MYO1D: variants seen among roughly 807,000 people sequenced by gnomAD.
MYO1D encodes unconventional myosin-Id.
A neutral mutation model predicts 122.0 loss-of-function variants in MYO1D; 83 were observed. The observed-to-expected ratio is 0.68, with a 90% CI of 0.57 to 0.82. The LOEUF (loss-of-function observed/expected upper bound fraction) is 0.82. Among genes scored for constraint, MYO1D ranks in the 40% least tolerant of loss-of-function variants. The pLI is 0.00. For synonymous variants in MYO1D, 464 were observed against 446.9 expected, an observed-to-expected ratio of 1.04 and a Z score of -0.48; for missense variants, 1,157 against 1,269.5, an observed-to-expected ratio of 0.91 and a Z score of 1.35.
At chr17:32,502,927 A>AT (rs1186757068) in intron 21 of MYO1D, among the ~76,000 whole-genome samples, 1 of 151,920 alleles carries the variant, frequency 6.6e-6, no homozygotes, top group African/African-American at 2.4e-5. Context: ...GGGGAGGGAT[A>AT]TTTTTTTTCC....
chr17:32,864,799 T>G (rs1278156296), intron 1 of MYO1D, among the ~76,000 whole-genome samples: 1 of 152,342 alleles, frequency 6.6e-6, no homozygotes, highest in Non-Finnish European at 1.5e-5. Context: ...TATTTGTTTA[T>G]TCCGTGATAG....
intron 21 of MYO1D, among the ~76,000 whole-genome samples, chr17:32,559,911 G>T (rs939796619): frequency 6.6e-6 from 1 of 152,156 alleles, no homozygotes; most frequent in Non-Finnish European, 1.5e-5. Context: ...CAATGCTATG[G>T]TATTGTAATG....
intron 20 of MYO1D, among the ~76,000 whole-genome samples, chr17:32,617,275 G>A (rs376885846): frequency 1.0e-3 from 156 of 152,230 alleles, no homozygotes; most frequent in Non-Finnish European, 1.8e-3. Flanking sequence ...AAGGCTCTCC[G>A]GTCAGCAGTT....
rs1322995870 is a variant in MYO1D at position 32,760,646 on chromosome 17, C to T, written c.1036-19G>A. The stretch of plus-strand genomic sequence containing the variant: ...ATATTGCCTGCAAGGAAAATAGCAT[C>T]ATAAATGCTTGCCAATTTGGGAATG... On this transcript the variant is annotated intron_variant, in intron 8 of 21. Transcript: ENST00000318217. 2.5e-6 allele frequency: 4 copies of T among 1,586,816 alleles called. No homozygotes were observed. Among genetic ancestry groups the T allele is most frequent in the Non-Finnish European group, 3.4e-6 (4 of 1,167,634 alleles).
intron 21 of MYO1D, among the ~76,000 whole-genome samples, chr17:32,596,823 CAG>C (rs896616909): frequency 1.3e-5 from 2 of 152,340 alleles, no homozygotes; most frequent in African/African-American, 4.8e-5. Flanking sequence ...CTTAATACTG[CAG>C]AGTTTCTGGT....
intron 1 of MYO1D, among the ~76,000 whole-genome samples, chr17:32,781,687 GAAAT>G: frequency 8.2e-6 from 1 of 121,266 alleles, no homozygotes; most frequent in East Asian, 2.4e-4. Context: ...TGGAAGGAGA[GAAAT>G]AAAGAGGAAG....
chr17:32,867,763 C>A, intron 1 of MYO1D, among the ~76,000 whole-genome samples: 1 of 133,310 alleles, frequency 7.5e-6, no homozygotes. Context: ...CATGCCACTG[C>A]ACTCCAGCCT....
chr17:32,706,544 G>A (rs2089310448), intron 16 of MYO1D, among the ~76,000 whole-genome samples: 1 of 152,112 alleles, frequency 6.6e-6, no homozygotes, highest in Non-Finnish European at 1.5e-5. Flanking sequence ...ATAAAATGGT[G>A]AGTCCTGAAA....
chr17:32,758,323 G>T (rs191886360), intron 10 of MYO1D, among the ~76,000 whole-genome samples: 4 of 152,142 alleles, frequency 2.6e-5, no homozygotes, highest in Admixed American at 2.6e-4. Flanking sequence ...CATAATGTAA[G>T]AAACTTATTT....
In MYO1D at chr17:32,577,599, C is replaced by T. The variant is rs1434955437; in HGVS notation, c.2864+27488G>A. ...GGCTATCATTTAACTAACAGCAATA[C>T]TGAGCTTTTTTTACCAAGGACTCAT... On this transcript the variant is annotated intron_variant, in intron 21 of 21. Transcript: ENST00000318217. Among the ~76,000 whole-genome samples the T allele has an allele frequency of 2.6e-5, 4 of 151,560 alleles. No individual in the cohort carries two copies. In the East Asian group the frequency reaches 7.7e-4, roughly 29 times the overall value.
intron 1 of MYO1D, among the ~76,000 whole-genome samples, chr17:32,835,440 C>T (rs993175036): frequency 1.3e-5 from 2 of 152,134 alleles, no homozygotes; most frequent in African/African-American, 4.8e-5. Flanking sequence ...TAGTTATTTT[C>T]GGATACTCTA....
At chr17:32,509,901 A>T (rs955828228) in intron 21 of MYO1D, 1 of 152,212 alleles carries the variant, frequency 6.6e-6, no homozygotes, top group African/African-American at 2.4e-5. Context: ...GCTCCTCAGC[A>T]GCATGCCTGC....
At chr17:32,729,096 T>C (rs567633020) in intron 14 of MYO1D, among the ~76,000 whole-genome samples, 17 of 152,340 alleles carry the variant, frequency 1.1e-4, no homozygotes, top group Admixed American at 6.5e-4. Flanking sequence ...CAGAGTGTCT[T>C]ATAAAGGTTA....
chr17:32,803,289 G>A (rs2090476284), intron 1 of MYO1D, among the ~76,000 whole-genome samples: 1 of 152,080 alleles, frequency 6.6e-6, no homozygotes, highest in Non-Finnish European at 1.5e-5. Flanking sequence ...TGGGACTACA[G>A]GTGCCCGCCA....
chr17:32,581,411 T>C (rs571109350), intron 21 of MYO1D, among the ~76,000 whole-genome samples: 1 of 152,280 alleles, frequency 6.6e-6, no homozygotes, highest in South Asian at 2.1e-4. Flanking sequence ...TTCCATTTCA[T>C]TGGTTTCTGT....
intron 1 of MYO1D, among the ~76,000 whole-genome samples, chr17:32,798,113 A>G (rs1388217076): frequency 6.6e-6 from 1 of 152,252 alleles, no homozygotes; most frequent in Non-Finnish European, 1.5e-5. Flanking sequence ...AATGGATTGC[A>G]TGAGTAGGAA....
chr17:32,511,779 G>C (rs1438549454), intron 21 of MYO1D, among the ~76,000 whole-genome samples: 1 of 152,080 alleles, frequency 6.6e-6, no homozygotes, highest in African/African-American at 2.4e-5. Context: ...ACATGCACCA[G>C]CACCCACACC....
intron 21 of MYO1D, among the ~76,000 whole-genome samples, chr17:32,583,006 A>G (rs73984757): frequency 1.3e-5 from 2 of 152,326 alleles, no homozygotes; most frequent in African/African-American, 2.4e-5. Flanking sequence ...TTGGAGATCT[A>G]TATTTCCATG....
At chr17:32,564,902 C>G (rs111405901) in intron 21 of MYO1D, among the ~76,000 whole-genome samples, 1,543 of 152,322 alleles carry the variant, frequency 0.01, 29 homozygotes, top group African/African-American at 0.035. Context: ...AGCATACCCC[C>G]CATCTCACAA....
Sources: allele counts gnomAD v4.1 joint callset (sites outside exome capture counted in the v4.1 genomes callset), GRCh38; gene constraint gnomAD v4.1.1; transcripts MANE v1.5; gene names NCBI Gene and HGNC (gene_info 2026-07-23, HGNC 2026-07-21).